SLC15A5: variants seen among roughly 807,000 people sequenced by gnomAD.
The protein encoded by SLC15A5 is solute carrier family 15 member 5, also known as Peptide/histidine transporter ENSP00000340402.
Under a neutral mutation model 56.1 loss-of-function variants are expected in SLC15A5, and 58 were observed. The ratio of observed to expected loss-of-function variants is 1.03; its 90% confidence interval spans 0.84 to 1.29. The LOEUF (loss-of-function observed/expected upper bound fraction) is 1.29. Among genes scored for constraint, SLC15A5 ranks in the 50% most tolerant of loss-of-function variants. The pLI is 0.00. For synonymous variants in SLC15A5, 264 were observed against 250.5 expected (o/e 1.05, Z -0.51); for missense variants, 681 against 672.1 (o/e 1.01, Z -0.15).
intron 3 of SLC15A5, among the ~76,000 whole-genome samples, chr12:16,256,518 C>A (rs1415115681): frequency 6.6e-6 from 1 of 152,042 alleles, no homozygotes. Flanking sequence ...CACAAAATCC[C>A]GACTATGGGA....
At chr12:16,258,329 C>G (rs1864598337) in intron 2 of SLC15A5, among the ~76,000 whole-genome samples, 1 of 152,116 alleles carries the variant, frequency 6.6e-6, no homozygotes. Flanking sequence ...CACAAATACT[C>G]AGAAATATCT....
chr12:16,205,246 G>T (rs1293797611), intron 7 of SLC15A5, among the ~76,000 whole-genome samples: 1 of 151,642 alleles, frequency 6.6e-6, no homozygotes, highest in Non-Finnish European at 1.5e-5. Flanking sequence ...AATAGACAAA[G>T]ATCAAAATAT....
chr12:16,276,518 T>C (rs1360068879), intron 1 of SLC15A5, among the ~76,000 whole-genome samples: 2 of 152,036 alleles, frequency 1.3e-5, no homozygotes, highest in African/African-American at 4.8e-5. Flanking sequence ...ATCCTGAGAT[T>C]TTCTGATCTC....
chr12:16,204,637 G>A (rs1863996620), intron 7 of SLC15A5, among the ~76,000 whole-genome samples: 1 of 151,936 alleles, frequency 6.6e-6, no homozygotes, highest in South Asian at 2.1e-4. Context: ...GCAGCTGAAA[G>A]GAACAGGACA....
intron 2 of SLC15A5, among the ~76,000 whole-genome samples, chr12:16,267,446 A>C (rs1268881552): frequency 8.5e-6 from 1 of 117,230 alleles, no homozygotes; most frequent in African/African-American, 3.3e-5. Flanking sequence ...AGAAGGGGAA[A>C]ATAGAAACTT....
At chr12:16,263,605 C>G (rs1025502379) in intron 2 of SLC15A5, among the ~76,000 whole-genome samples, 1 of 152,178 alleles carries the variant, frequency 6.6e-6, no homozygotes, top group Non-Finnish European at 1.5e-5. Flanking sequence ...CAGGGCATGT[C>G]AGAGGTCTTC....
At chr12:16,207,503 G>A (rs1864032601) in intron 7 of SLC15A5, among the ~76,000 whole-genome samples, 1 of 151,946 alleles carries the variant, frequency 6.6e-6, no homozygotes, top group South Asian at 2.1e-4. Flanking sequence ...TGCTCTTTAG[G>A]CTATTTAAAA....
intron 3 of SLC15A5, among the ~76,000 whole-genome samples, chr12:16,250,184 C>T (rs1022307405): frequency 6.6e-6 from 1 of 151,992 alleles, no homozygotes; most frequent in Admixed American, 6.6e-5. Flanking sequence ...GTCTCAGTTT[C>T]TGTGCTCAGC....
intron 5 of SLC15A5, among the ~76,000 whole-genome samples, chr12:16,230,473 A>G (rs1198066052): frequency 6.6e-6 from 1 of 152,124 alleles, no homozygotes; most frequent in African/African-American, 2.4e-5. Context: ...ACAATTTAAT[A>G]CTTGTCCCAT....
intron 4 of SLC15A5, among the ~76,000 whole-genome samples, chr12:16,241,134 A>G (rs1864411319): frequency 6.6e-6 from 1 of 151,962 alleles, no homozygotes; most frequent in Admixed American, 6.6e-5. Flanking sequence ...TTAGTAGCGC[A>G]TAGTATTTCT....
chr12:16,266,943 T>C (rs529541546), intron 2 of SLC15A5, among the ~76,000 whole-genome samples: 213 of 152,308 alleles, frequency 1.4e-3, no homozygotes, highest in African/African-American at 4.9e-3. Flanking sequence ...TGAATACAAA[T>C]GAGAAAAATT....
intron 2 of SLC15A5, among the ~76,000 whole-genome samples, chr12:16,261,442 T>G (rs1864642163): frequency 6.6e-6 from 1 of 152,234 alleles, no homozygotes; most frequent in South Asian, 2.1e-4. Context: ...CCAAGTACTA[T>G]TCCATTATGT....
Position 16,215,122 on chromosome 12 carries a change from G to C in SLC15A5, c.1483+1771C>G, listed in dbSNP as rs545408202. ...GGAGGCTGAGGCAGGAGAATTGCTTGAACTTGGGAGGCGGAGGTTGCAGTG... is the reference window on the plus strand; with the variant it reads ...GGAGGCTGAGGCAGGAGAATTGCTTCAACTTGGGAGGCGGAGGTTGCAGTG... On this transcript the variant is annotated intron_variant, in intron 7 of 8. Transcript: ENST00000344941. 2.8e-5 allele frequency among the ~76,000 whole-genome samples: 4 copies of C among 144,562 alleles called. No individual in the cohort carries two copies. The East Asian group carries it at 8.9e-4, about 32-fold the overall frequency. 94.8% of individuals were successfully genotyped at this position (144,562 alleles called of 152,430 possible). A position where few individuals can be genotyped will look rare whatever the true frequency, so the allele number is the denominator to read the frequency against.
intron 7 of SLC15A5, among the ~76,000 whole-genome samples, chr12:16,194,725 T>A (rs551731843): frequency 6.6e-6 from 1 of 152,212 alleles, no homozygotes; most frequent in Non-Finnish European, 1.5e-5. Context: ...GTAAAGGTAA[T>A]CCTGACTATT....
chr12:16,194,322 C>A, intron 8 of SLC15A5, 23 bp downstream of exon 8: 1 of 1,471,762 alleles, frequency 6.8e-7, no homozygotes. Flanking sequence ...AGAAATTTTT[C>A]ATCTTACCAC....
intron 5 of SLC15A5, among the ~76,000 whole-genome samples, chr12:16,234,193 C>A (rs1282415585): frequency 6.6e-6 from 1 of 152,056 alleles, no homozygotes; most frequent in Non-Finnish European, 1.5e-5. Context: ...CTATCAAGAC[C>A]TTTTATAAGA....
chr12:16,222,948 A>C (rs1282007660), intron 6 of SLC15A5, among the ~76,000 whole-genome samples: 1 of 152,214 alleles, frequency 6.6e-6, no homozygotes, highest in Non-Finnish European at 1.5e-5. Context: ...TTGCAGTGTT[A>C]AACAGTGAGG....
intron 2 of SLC15A5, among the ~76,000 whole-genome samples, chr12:16,262,814 A>G (rs1448292845): frequency 1.3e-5 from 2 of 152,150 alleles, no homozygotes; most frequent in African/African-American, 4.8e-5. Flanking sequence ...GGTTTTAAAA[A>G]TGGGAGTTTC....
chr12:16,274,969 T>C (rs1156727094), intron 1 of SLC15A5, among the ~76,000 whole-genome samples: 4 of 152,076 alleles, frequency 2.6e-5, no homozygotes, highest in Non-Finnish European at 5.9e-5. Flanking sequence ...CAATTGTGTA[T>C]CTCATCATCA....
Sources: allele counts gnomAD v4.1 joint callset (sites outside exome capture counted in the v4.1 genomes callset), GRCh38; gene constraint gnomAD v4.1.1; transcripts MANE v1.5; gene names NCBI Gene and HGNC (gene_info 2026-07-23, HGNC 2026-07-21).